The following KANK4 variants were observed in gnomAD, a reference collection of about 807,000 sequenced individuals.
KANK4 encodes the protein KN motif and ankyrin repeat domain-containing protein 4.
A neutral mutation model predicts 80.8 loss-of-function variants in KANK4; 50 were observed. That is an observed-to-expected ratio of 0.62 (90% CI 0.49 to 0.78). The LOEUF (loss-of-function observed/expected upper bound fraction) is 0.78, where lower values mean the gene tolerates loss of function less well. Among genes scored for constraint, KANK4 ranks in the 30% least tolerant of loss-of-function variants. KANK4 has a pLI of 0.00. For missense variants in KANK4, 1,196 were observed against 1,240.1 expected (o/e 0.96, Z 0.53); for synonymous variants, 465 against 506.9 (o/e 0.92, Z 1.11).
Position 62,253,179 on chromosome 1 carries a change from G to A in KANK4, c.2570C>T (p.Ala857Val). The stretch of plus-strand genomic sequence containing the variant: ...AGTGATCATTACGGCAGTGTAGCCA[G>A]CTTTGTTCTGATGGTCCACATTGCA... Reference protein sequence around the residue: ...GVCNVDHQNKAGYTAVMITPL... With the variant: ...GVCNVDHQNKVGYTAVMITPL... The change falls in exon 8 of 10, where the codon GCT becomes GTT. Residue 857 changes from alanine (A) to valine (V), a missense_variant. By Grantham distance (64) the Ala-to-Val change is moderately conservative. Transcript: ENST00000371153. 6.2e-7 allele frequency: 1 copy of A among 1,612,174 alleles called. No homozygotes were observed. The highest frequency in any genetic ancestry group is 8.5e-7 in the Non-Finnish European group (1 of 1,179,602).
At chr1:62,303,860 T>C (rs1644431068) in intron 1 of KANK4, among the ~76,000 whole-genome samples, 1 of 152,058 alleles carries the variant, frequency 6.6e-6, no homozygotes, top group African/African-American at 2.4e-5. Flanking sequence ...TAAAATGTAT[T>C]TCAAATTCTT....
At chr1:62,282,632 GA>G (rs1260451566) in intron 1 of KANK4, among the ~76,000 whole-genome samples, 7 of 152,144 alleles carry the variant, frequency 4.6e-5, no homozygotes, top group African/African-American at 1.7e-4. Flanking sequence ...AAGAGGGCTG[GA>G]AAAGATGAGG....
rs537043521 is a variant in KANK4 at position 62,316,236 on chromosome 1, T to A, written c.-71+2870A>T. ...GTGACCCTCCTCCAGCTAAAACAGA[T>A]GTAATAATATTGCAGGCAAAGGGCG... On this transcript the variant is annotated intron_variant, in intron 1 of 9. Coordinates refer to ENST00000371153, the MANE Select transcript of KANK4 (RefSeq NM_181712.5). 7.2e-5 allele frequency among the ~76,000 whole-genome samples: 11 copies of A among 152,284 alleles called. No individual in the cohort carries two copies. In the East Asian group the frequency reaches 1.9e-3, roughly 27 times the overall value.
intron 1 of KANK4, among the ~76,000 whole-genome samples, chr1:62,293,101 TGTGTGA>T (rs1340017348): frequency 3.1e-5 from 4 of 130,388 alleles, no homozygotes; most frequent in Non-Finnish European, 6.6e-5. Flanking sequence ...TGTGTGTGTG[TGTGTGA>T]GACAGAGTGT....
At chr1:62,311,868 A>G (rs1644500853) in intron 1 of KANK4, among the ~76,000 whole-genome samples, 2 of 152,172 alleles carry the variant, frequency 1.3e-5, no homozygotes, top group Non-Finnish European at 2.9e-5. Flanking sequence ...GCCAACAATT[A>G]AATAAAATTT....
At chr1:62,254,314 T>G (rs1321262248) in intron 7 of KANK4, among the ~76,000 whole-genome samples, 1 of 152,160 alleles carries the variant, frequency 6.6e-6, no homozygotes, top group African/African-American at 2.4e-5. Flanking sequence ...TGGTGCAATC[T>G]CAGCTCACTG....
chr1:62,313,705 G>C (rs1287964494), intron 1 of KANK4, among the ~76,000 whole-genome samples: 1 of 152,042 alleles, frequency 6.6e-6, no homozygotes, highest in Non-Finnish European at 1.5e-5. Flanking sequence ...TGCTGAGGGT[G>C]AGGGGCAAGG....
At chr1:62,243,528 A>G (rs1433284460) in intron 9 of KANK4, among the ~76,000 whole-genome samples, 2 of 151,966 alleles carry the variant, frequency 1.3e-5, no homozygotes, top group Non-Finnish European at 2.9e-5. Context: ...TAGTAGAGAC[A>G]GGGTTTCAAA....
rs535358447 is a variant in KANK4, at chr1:62,286,050, C to T, written c.-70-4416G>A. 1.1e-4 allele frequency among the ~76,000 whole-genome samples: 17 copies of T among 152,244 alleles called. No homozygotes were observed. In the South Asian group the frequency reaches 2.1e-3, roughly 19 times the overall value. Reference sequence around the variant, plus strand: ...ACCTGGCAAACAGAGATGAGTCCTGCTCAATAAATGACACATTAACACAAT... The same window carrying T: ...ACCTGGCAAACAGAGATGAGTCCTGTTCAATAAATGACACATTAACACAAT... On this transcript the variant is annotated intron_variant, in intron 1 of 9. Coordinates refer to ENST00000371153, the MANE Select transcript of KANK4 (RefSeq NM_181712.5).
intron 1 of KANK4, among the ~76,000 whole-genome samples, chr1:62,316,104 G>C (rs60371738): frequency 0.015 from 2,303 of 152,344 alleles, 62 homozygotes; most frequent in African/African-American, 0.052. Context: ...AGAAACCTTT[G>C]ACAAGGTCAA....
chr1:62,303,273 G>A (rs1395607560), intron 1 of KANK4, among the ~76,000 whole-genome samples: 1 of 152,024 alleles, frequency 6.6e-6, no homozygotes, highest in East Asian at 1.9e-4. Flanking sequence ...GGACAGTAAA[G>A]TTTAATCCAG....
intron 1 of KANK4, among the ~76,000 whole-genome samples, chr1:62,300,859 AAGTCTGGCAAGC>A (rs1264722765): frequency 6.6e-6 from 1 of 152,098 alleles, no homozygotes; most frequent in South Asian, 2.1e-4. Context: ...GGGAAATAGC[AAGTCTGGCAAGC>A]AGTCTGGCCA....
chr1:62,267,771 C>T (rs1672058896), intron 5 of KANK4, among the ~76,000 whole-genome samples: 1 of 148,974 alleles, frequency 6.7e-6, no homozygotes. Context: ...CACTTCACTC[C>T]AGCCCGGGTG....
chr1:62,310,547 CAAGG>C, intron 1 of KANK4, among the ~76,000 whole-genome samples: 1 of 152,276 alleles, frequency 6.6e-6, no homozygotes, highest in East Asian at 1.9e-4. Flanking sequence ...TTGCTTTTAT[CAAGG>C]TTCTACTGAG....
At chr1:62,313,251 T>A (rs1390354630) in intron 1 of KANK4, among the ~76,000 whole-genome samples, 1 of 152,200 alleles carries the variant, frequency 6.6e-6, no homozygotes, top group Non-Finnish European at 1.5e-5. Flanking sequence ...GTTTTAGGCA[T>A]CCACAGAGGG....
In KANK4 at chr1:62,274,417, C is replaced by T; in HGVS notation, c.687G>A (p.Gln229=). 1.2e-6 allele frequency: 2 copies of T among 1,614,226 alleles called. No individual in the cohort carries two copies. Among genetic ancestry groups the T allele is most frequent in the African/African-American group, 1.3e-5 (1 of 75,066 alleles). ...CACCCTCTGGAGGCTCAGCTCCCTC[C>T]TGGACCAGCTCTGGAATCCGAGTTG... ...RASTRIPELV[Q]EGAEPPEGVV... Residue 229 remains glutamine (Q), a synonymous_variant, in exon 3 of 10, where the codon CAG becomes CAA. Coordinates refer to ENST00000371153, the MANE Select transcript of KANK4 (RefSeq NM_181712.5).
chr1:62,282,976 G>C (rs919875993), intron 1 of KANK4, among the ~76,000 whole-genome samples: 1 of 152,202 alleles, frequency 6.6e-6, no homozygotes, highest in Non-Finnish European at 1.5e-5. Flanking sequence ...CAGAGGCTGA[G>C]AGTGGCCGCC....
intron 1 of KANK4, among the ~76,000 whole-genome samples, chr1:62,291,855 C>T (rs1035945799): frequency 1.3e-5 from 2 of 152,194 alleles, no homozygotes; most frequent in African/African-American, 4.8e-5. Flanking sequence ...GATCCACCCA[C>T]CTTGGCCTCC....
chr1:62,318,299 C>T (rs1644559045), intron 1 of KANK4, among the ~76,000 whole-genome samples: 1 of 152,218 alleles, frequency 6.6e-6, no homozygotes, highest in Admixed American at 6.5e-5. Flanking sequence ...TTGAGTTTGG[C>T]AGCCCCGAAG....
Sources: allele counts gnomAD v4.1 joint callset (sites outside exome capture counted in the v4.1 genomes callset), GRCh38; gene constraint gnomAD v4.1.1; transcripts MANE v1.5; gene names NCBI Gene and HGNC (gene_info 2026-07-23, HGNC 2026-07-21).